Variants in UBR2 observed in about 807,000 individuals in gnomAD.
UBR2 encodes the protein ubiquitin protein ligase E3 component n-recognin 2.
Under a neutral mutation model 247.9 loss-of-function variants are expected in UBR2, and 92 were observed. The observed-to-expected ratio is 0.37, with a 90% CI of 0.31 to 0.44. The LOEUF (loss-of-function observed/expected upper bound fraction) is 0.44, where lower values mean the gene tolerates loss of function less well. UBR2 is among the 20% of genes least tolerant of loss of function. The pLI, the probability that UBR2 is intolerant of heterozygous loss-of-function variation, is 1.00. For synonymous variants in UBR2, 672 were observed against 693.5 expected (o/e 0.97, Z 0.49); for missense variants, 1,613 against 2,112.6 (o/e 0.76, Z 4.64).
chr6:42,673,999 C>A, intron 37 of UBR2, 112 bp downstream of exon 37: 1 of 1,294,374 alleles, frequency 7.7e-7, no homozygotes. Flanking sequence ...TACTGGTTTT[C>A]TTATATATAA....
In UBR2 at chr6:42,564,088, C is replaced by T. The variant is rs975641745; in HGVS notation, c.-232C>T. 1.8e-6 allele frequency: 1 copy of T among 549,728 alleles called. No individual in the cohort carries two copies. The highest frequency in any genetic ancestry group is 3.2e-6 in the Non-Finnish European group (1 of 314,852). 34.1% of individuals were successfully genotyped at this position (549,728 alleles called of 1,614,324 possible). A position where few individuals can be genotyped will look rare whatever the true frequency, so the allele number is the denominator to read the frequency against. On this transcript the variant is annotated 5_prime_UTR_variant, in exon 1 of 47. It adds an upstream start codon to the 5' untranslated region. Transcript: ENST00000372901. ...TCTGTGTCCTTCCCTGGGTCAGGGA[C>T]GAGCCAGTGACTTGACTCTTGGGCG...
intron 2 of UBR2, among the ~76,000 whole-genome samples, chr6:42,591,160 G>A (rs766013714): frequency 3.9e-5 from 6 of 152,342 alleles, no homozygotes; most frequent in Non-Finnish European, 7.3e-5. Context: ...GCTGAGATGG[G>A]AGGATTGCTT....
At chr6:42,600,625 CAAA>C (rs71680032) in intron 4 of UBR2, among the ~76,000 whole-genome samples, 31 of 106,126 alleles carry the variant, frequency 2.9e-4, no homozygotes, top group Admixed American at 4.2e-4. Context: ...GTTACTGTAG[CAAA>C]AAAAAAAAAA....
chr6:42,575,564 A>T (rs1196114834), intron 2 of UBR2, among the ~76,000 whole-genome samples: 1 of 152,138 alleles, frequency 6.6e-6, no homozygotes, highest in Non-Finnish European at 1.5e-5. Context: ...TGTGACTTTC[A>T]TGATCTTGAC....
chr6:42,627,086 T>C (rs1390105189), intron 11 of UBR2, among the ~76,000 whole-genome samples: 2 of 151,900 alleles, frequency 1.3e-5, no homozygotes, highest in Non-Finnish European at 2.9e-5. Context: ...ACCCCAACAA[T>C]TTAGAGCCTA....
intron 34 of UBR2, 39 bp from the exon 35 acceptor site, chr6:42,670,053 C>T: frequency 6.2e-7 from 1 of 1,606,830 alleles, no homozygotes; most frequent in Non-Finnish European, 8.5e-7. Flanking sequence ...TTGATATGTG[C>T]ACATTGTTCT....
intron 8 of UBR2, among the ~76,000 whole-genome samples, chr6:42,612,506 C>G (rs1488763722): frequency 6.6e-6 from 1 of 152,178 alleles, no homozygotes; most frequent in African/African-American, 2.4e-5. Context: ...AAAGGATTCT[C>G]TATTCAAATA....
chr6:42,691,399 A>G lies in UBR2; in HGVS notation c.*226A>G. The stretch of plus-strand genomic sequence containing the variant: ...TATAATGTCTTGGGTTTTAAGATCG[A>G]GCAAGGAGCTTCTCTTCCTAGATTG... On this transcript the variant is annotated 3_prime_UTR_variant, in exon 47 of 47. Transcript: ENST00000372901. The G allele has an allele frequency of 1.8e-6, 1 of 559,364 alleles. No individual in the cohort carries two copies. Among genetic ancestry groups the G allele is most frequent in the Non-Finnish European group, 3.1e-6 (1 of 325,576 alleles). The allele number at this position is 559,364 out of a possible 1,614,324, so 34.7% of individuals were successfully genotyped here. A position where few individuals can be genotyped will look rare whatever the true frequency, so the allele number is the denominator to read the frequency against.
chr6:42,614,328 G>GTATGTA (rs1554250278), intron 8 of UBR2, among the ~76,000 whole-genome samples: 30,298 of 136,960 alleles, frequency 0.22, 3,684 homozygotes, highest in African/African-American at 0.28. Flanking sequence ...GTATATATGT[G>GTATGTA]TATATGTGTA....
At chr6:42,686,166 A>G (rs1427300805) in intron 44 of UBR2, among the ~76,000 whole-genome samples, 2 of 151,956 alleles carry the variant, frequency 1.3e-5, no homozygotes, top group African/African-American at 4.8e-5. Flanking sequence ...AGTGGAGGGA[A>G]GGTCAGCAGA....
chr6:42,654,090 G>A (rs571190424), intron 25 of UBR2, among the ~76,000 whole-genome samples: 6 of 152,218 alleles, frequency 3.9e-5, no homozygotes, highest in African/African-American at 7.2e-5. Context: ...AGCCCTCCTC[G>A]GGAGGCTGAG....
rs191839301 is a variant in UBR2 at position 42,570,407 on chromosome 6, A to G, written c.79-3327A>G. Among the ~76,000 whole-genome samples the G allele has an allele frequency of 3.8e-4, 57 of 151,108 alleles. No homozygotes were observed. The East Asian group carries it at 0.011, about 29-fold the overall frequency. Reference sequence around the variant, plus strand: ...ACCACCACTCCTGGCTAATTTTTGTATTTTTAGTAGAGATGGGGTTTCACC... The same window carrying G: ...ACCACCACTCCTGGCTAATTTTTGTGTTTTTAGTAGAGATGGGGTTTCACC... On this transcript the variant is annotated intron_variant, in intron 1 of 46. Transcript: ENST00000372901.
At chr6:42,641,810 A>G (rs1418679947) in intron 17 of UBR2, 118 bp downstream of exon 17, 6 of 692,294 alleles carry the variant, frequency 8.7e-6, no homozygotes, top group Non-Finnish European at 1.4e-5. Context: ...ATTGTTTGAA[A>G]AGATTAATGA....
chr6:42,648,045 G>C, intron 21 of UBR2, 73 bp from the exon 22 acceptor site: 1 of 1,249,622 alleles, frequency 8.0e-7, no homozygotes, highest in Non-Finnish European at 1.2e-6. Flanking sequence ...GAGGGTCAAT[G>C]AGATAAAACA....
intron 4 of UBR2, among the ~76,000 whole-genome samples, chr6:42,600,458 G>A (rs546445832): frequency 1.3e-5 from 2 of 152,100 alleles, no homozygotes; most frequent in African/African-American, 4.8e-5. Flanking sequence ...AGTCTTTCCT[G>A]ACATTTAATT....
intron 4 of UBR2, among the ~76,000 whole-genome samples, chr6:42,603,014 ACT>A (rs1793484658): frequency 6.6e-6 from 1 of 152,020 alleles, no homozygotes. Flanking sequence ...AAATTCAGTG[ACT>A]CTCACTCTTA....
At chr6:42,666,038 A>G in intron 33 of UBR2, 129 bp from the exon 34 acceptor site, 1 of 674,596 alleles carries the variant, frequency 1.5e-6, no homozygotes, top group Non-Finnish European at 2.4e-6. Context: ...CATGCTTCAT[A>G]TGGTTGTTAT....
intron 4 of UBR2, among the ~76,000 whole-genome samples, chr6:42,595,586 A>G (rs1792916708): frequency 6.6e-6 from 1 of 152,080 alleles, no homozygotes; most frequent in African/African-American, 2.4e-5. Flanking sequence ...CCCTACAAAA[A>G]ATACAAAAAT....
At chr6:42,663,697 T>C (rs1408424402) in intron 32 of UBR2, among the ~76,000 whole-genome samples, 1 of 152,182 alleles carries the variant, frequency 6.6e-6, no homozygotes, top group African/African-American at 2.4e-5. Flanking sequence ...TTTTAATATC[T>C]TCCATACACT....
Sources: allele counts gnomAD v4.1 joint callset (sites outside exome capture counted in the v4.1 genomes callset), GRCh38; gene constraint gnomAD v4.1.1; transcripts MANE v1.5; gene names NCBI Gene and HGNC (gene_info 2026-07-23, HGNC 2026-07-21).